STX8: variants seen among roughly 807,000 people sequenced by gnomAD.
STX8 encodes the protein syntaxin 8, also known as syntaxin-8.
A neutral mutation model predicts 37.5 loss-of-function variants in STX8; 23 were observed. The ratio of observed to expected loss-of-function variants is 0.61; its 90% CI spans 0.44 to 0.87. The LOEUF (loss-of-function observed/expected upper bound fraction) is 0.87. STX8 is among the 40% of genes least tolerant of loss of function. The pLI is 0.00. For missense variants in STX8, 313 were observed against 284.7 expected (o/e 1.10, Z -0.71); for synonymous variants, 115 against 99.1 (o/e 1.16, Z -0.95).
chr17:9,319,849 G>T (rs1400475846), intron 7 of STX8, among the ~76,000 whole-genome samples: 10 of 152,006 alleles, frequency 6.6e-5, no homozygotes, highest in African/African-American at 2.4e-4. Flanking sequence ...TACTCGGGAG[G>T]CTGAGACAGG....
At chr17:9,526,706 C>T (rs1310697928) in intron 4 of STX8, among the ~76,000 whole-genome samples, 1 of 151,986 alleles carries the variant, frequency 6.6e-6, no homozygotes, top group Non-Finnish European at 1.5e-5. Flanking sequence ...CCTGTCTCTA[C>T]TAAAAATACA....
chr17:9,334,498 T>A (rs1910076363), intron 7 of STX8, among the ~76,000 whole-genome samples: 1 of 152,136 alleles, frequency 6.6e-6, no homozygotes, highest in African/African-American at 2.4e-5. Context: ...AGAGGCAAGA[T>A]GGAGTCGTTT....
intron 7 of STX8, among the ~76,000 whole-genome samples, chr17:9,352,292 T>C (rs1910732164): frequency 6.6e-6 from 1 of 152,124 alleles, no homozygotes; most frequent in African/African-American, 2.4e-5. Context: ...TGTGTGGTGA[T>C]ACTTTCAGAC....
At chr17:9,509,539 C>T (rs760854688) in intron 4 of STX8, among the ~76,000 whole-genome samples, 4 of 152,016 alleles carry the variant, frequency 2.6e-5, no homozygotes, top group Non-Finnish European at 4.4e-5. Context: ...AAGAAGTGCT[C>T]AAGGGAGTAT....
At chr17:9,397,732 T>G (rs972568981) in intron 6 of STX8, among the ~76,000 whole-genome samples, 2 of 151,970 alleles carry the variant, frequency 1.3e-5, no homozygotes, top group African/African-American at 4.8e-5. Context: ...TTCCAGCACC[T>G]TGGGAGGTCA....
rs548334362 is a variant in STX8 at position 9,327,337 on chromosome 17, A to G, written c.643+51215T>C. Among the ~76,000 whole-genome samples the G allele has an allele frequency of 2.9e-3, 421 of 147,464 alleles. 4 individuals carry two copies. The highest frequency in any genetic ancestry group is 9.0e-3 in the African/African-American group (361 of 40,018). On this transcript the variant is annotated intron_variant, in intron 7 of 7. Transcript: ENST00000306357. ...GAAGGAAGAAGGAGAAGAGAAGGAG[A>G]AGGAGGAGGAGGAGAAGGAGAGGGA... is the stretch of plus-strand genomic sequence containing the variant.
At position 9,545,266 on chromosome 17, in the gene STX8, C is replaced by A; in HGVS notation, c.229G>T (p.Asp77Tyr). The part of the protein sequence containing the change: ...STHQITQLEG[D>Y]RRQNLLDDLV... ...TCATCCAAGAGGTTCTGTCTTCGGT[C>A]CCCTTCAAGCTGTGTTCTGCAGATA... is the stretch of plus-strand genomic sequence containing the variant. Residue 77 changes from aspartate to tyrosine, a missense_variant, in exon 4 of 8, where the codon GAC (aspartate) becomes TAC (tyrosine). By Grantham distance (160) the Asp-to-Tyr change is radical. Coordinates refer to ENST00000306357, the MANE Select transcript of STX8 (RefSeq NM_004853.3). 6.2e-7 allele frequency: 1 copy of A among 1,613,696 alleles called. No individual in the cohort carries two copies. Among genetic ancestry groups the A allele is most frequent in the Non-Finnish European group, 8.5e-7 (1 of 1,179,714 alleles).
At chr17:9,539,790 G>A (rs1020084023) in intron 4 of STX8, among the ~76,000 whole-genome samples, 1 of 152,208 alleles carries the variant, frequency 6.6e-6, no homozygotes, top group Non-Finnish European at 1.5e-5. Flanking sequence ...AGAGGACTAA[G>A]GAAATCTCTG....
intron 6 of STX8, among the ~76,000 whole-genome samples, chr17:9,487,792 C>A (rs1416384763): frequency 6.6e-6 from 1 of 152,234 alleles, no homozygotes; most frequent in Non-Finnish European, 1.5e-5. Flanking sequence ...CTGACTGTGA[C>A]TGTGATGCTG....
At chr17:9,535,650 T>C (rs372012633) in intron 4 of STX8, among the ~76,000 whole-genome samples, 1 of 151,930 alleles carries the variant, frequency 6.6e-6, no homozygotes, top group African/African-American at 2.4e-5. Flanking sequence ...GCCAGGATGG[T>C]CTCAATCTCC....
At chr17:9,326,449 C>T (rs555167669) in intron 7 of STX8, among the ~76,000 whole-genome samples, 1 of 152,296 alleles carries the variant, frequency 6.6e-6, no homozygotes, top group African/African-American at 2.4e-5. Flanking sequence ...GCCTGTTCAT[C>T]TAGTCTTCTT....
At chr17:9,404,389 C>T (rs1912735890) in intron 6 of STX8, among the ~76,000 whole-genome samples, 1 of 152,154 alleles carries the variant, frequency 6.6e-6, no homozygotes, top group Non-Finnish European at 1.5e-5. Context: ...ACCAATCCTT[C>T]TTCCACTGTT....
intron 5 of STX8, among the ~76,000 whole-genome samples, chr17:9,499,687 CA>C (rs1247668698): frequency 2.0e-5 from 3 of 152,138 alleles, no homozygotes; most frequent in African/African-American, 7.2e-5. Flanking sequence ...CGTGAGCCAC[CA>C]CGCCCAGCCG....
rs80104739 is a variant in STX8 at position 9,428,686 on chromosome 17, A to G, written c.542-50033T>C. ...AAAGGAACAATGGCATATTTTATTT[A>G]ACCCAATATAGCCAAATATTACCAT... On this transcript the variant is annotated intron_variant, in intron 6 of 7. Coordinates refer to ENST00000306357, the MANE Select transcript of STX8 (RefSeq NM_004853.3). 5.7e-3 allele frequency among the ~76,000 whole-genome samples: 867 copies of G among 152,330 alleles called. 2 individuals are homozygous for G. The highest frequency in any genetic ancestry group is 9.9e-3 in the Non-Finnish European group (675 of 68,032).
At chr17:9,270,144 T>C (rs1311160707) in intron 7 of STX8, among the ~76,000 whole-genome samples, 1 of 152,234 alleles carries the variant, frequency 6.6e-6, no homozygotes, top group East Asian at 1.9e-4. Context: ...ATGCAACATA[T>C]ATTTATGTTT....
chr17:9,309,825 A>G (rs1036644707), intron 7 of STX8, among the ~76,000 whole-genome samples: 1 of 152,222 alleles, frequency 6.6e-6, no homozygotes, highest in African/African-American at 2.4e-5. Context: ...CCAATAACAT[A>G]TAACTCTAGA....
In STX8 at chr17:9,429,835, T is replaced by TAA. The variant is rs1555526561; in HGVS notation, c.542-51183_542-51182insTT. The stretch of plus-strand genomic sequence containing the variant: ...TTTTATATATTATATATTATATATA[T>TAA]TATATATAATATATAATATATATTA... On this transcript the variant is annotated intron_variant, in intron 6 of 7. Transcript: ENST00000306357. Among the ~76,000 whole-genome samples, 2 of 8,256 alleles carry TAA rather than the reference T, an allele frequency of 2.4e-4. 1 individual carries two copies. Among genetic ancestry groups the TAA allele is most frequent in the African/African-American group, 2.1e-3 (2 of 960 alleles). The allele number at this position is 8,256 out of a possible 152,430, so 5.4% of individuals were successfully genotyped here.
At chr17:9,461,675 A>G (rs962904638) in intron 6 of STX8, among the ~76,000 whole-genome samples, 2 of 152,268 alleles carry the variant, frequency 1.3e-5, no homozygotes, top group Admixed American at 6.5e-5. Context: ...CAATTTTTAC[A>G]TGGACTAGTG....
intron 6 of STX8, among the ~76,000 whole-genome samples, chr17:9,456,870 T>C (rs1905199748): frequency 6.6e-6 from 1 of 152,192 alleles, no homozygotes; most frequent in African/African-American, 2.4e-5. Flanking sequence ...GCCCTGCTTC[T>C]TTAGATGTGG....
Sources: gnomAD v4.1 joint callset for allele counts (sites outside exome capture counted in the v4.1 genomes callset) on GRCh38, gnomAD v4.1.1 for gene constraint, MANE v1.5 for transcripts, NCBI Gene and HGNC (gene_info 2026-07-23, HGNC 2026-07-21) for gene names.